Variants in PMS2 observed in about 807,000 individuals in gnomAD.
PMS2 encodes mismatch repair endonuclease PMS2.
In PMS2, 69 loss-of-function variants were observed where a neutral mutation model predicts 90.0. That is an observed-to-expected ratio of 0.77 (90% CI 0.63 to 0.94). PMS2 has a LOEUF of 0.94. PMS2 is among the 40% of genes least tolerant of loss of function. The pLI is 0.00. For synonymous variants in PMS2, 332 were observed against 375.1 expected, an observed-to-expected ratio of 0.89 and a Z score of 1.33; for missense variants, 966 against 1,040.2, an observed-to-expected ratio of 0.93 and a Z score of 0.98.
At position 6,002,595 on chromosome 7, in the gene PMS2, C is replaced by T. The variant is rs1583403941; in HGVS notation, c.395G>A (p.Gly132Glu). The part of the protein sequence containing the change: ...ISTCHASAKV[G>E]TRLMFDHNGK... ...ATTGTGATCAAACATCAGTCGAGTT[C>T]CAACCTTCGCCGATGCGTGGCAGGT... is the stretch of plus-strand genomic sequence containing the variant. The change falls in exon 5 of 15, where the codon GGA (glycine) becomes GAA (glutamate). Residue 132 changes from glycine (G) to glutamate (E), a missense_variant. Coordinates refer to ENST00000265849, the MANE Select transcript of PMS2 (RefSeq NM_000535.7). 6.2e-7 allele frequency: 1 copy of T among 1,611,942 alleles called. No individual in the cohort carries two copies. The highest frequency in any genetic ancestry group is 2.2e-5 in the East Asian group (1 of 44,878).
intron 11 of PMS2, among the ~76,000 whole-genome samples, chr7:5,983,737 C>T (rs1457745361): frequency 3.3e-5 from 5 of 151,362 alleles, no homozygotes; most frequent in African/African-American, 7.3e-5. Context: ...CTGCAACCTG[C>T]GCCTCCCAGG....
intron 8 of PMS2, among the ~76,000 whole-genome samples, chr7:5,994,375 C>T (rs1784129496): frequency 6.6e-6 from 1 of 150,538 alleles, no homozygotes; most frequent in East Asian, 2.0e-4. Flanking sequence ...GGCGAGACTC[C>T]ATCTCAAAAA....
intron 1 of PMS2, 118 bp from the exon 2 acceptor site, chr7:6,006,149 T>A: frequency 8.8e-7 from 1 of 1,134,334 alleles, no homozygotes; most frequent in Non-Finnish European, 1.3e-6. Context: ...TCTATTCATT[T>A]ATTATATTAG....
intron 10 of PMS2, among the ~76,000 whole-genome samples, chr7:5,989,015 C>T (rs1476132430): frequency 1.3e-5 from 2 of 152,030 alleles, no homozygotes; most frequent in Non-Finnish European, 2.9e-5. Flanking sequence ...GCCACCACGC[C>T]CGGCTAATTT....
intron 5 of PMS2, among the ~76,000 whole-genome samples, chr7:6,000,229 C>T (rs567677878): frequency 9.9e-4 from 151 of 151,918 alleles, no homozygotes; most frequent in African/African-American, 3.2e-3. Flanking sequence ...CAAAAATTAG[C>T]CGGGCATGGT....
chr7:5,985,133 T>G (rs1220191318), intron 11 of PMS2, among the ~76,000 whole-genome samples: 4 of 151,866 alleles, frequency 2.6e-5, no homozygotes, highest in Non-Finnish European at 5.9e-5. Context: ...GGTCTTGCTC[T>G]GTCACCCAGG....
intron 7 of PMS2, among the ~76,000 whole-genome samples, chr7:5,995,896 C>G (rs1784344532): frequency 6.6e-6 from 1 of 152,172 alleles, no homozygotes; most frequent in African/African-American, 2.4e-5. Flanking sequence ...TGTGTTGCAG[C>G]TCTCCTTACC....
At chr7:6,002,718 T>C in intron 4 of PMS2, 82 bp from the exon 5 acceptor site, 1 of 1,120,114 alleles carries the variant, frequency 8.9e-7, no homozygotes, top group Non-Finnish European at 1.4e-6. Context: ...TCACTTGCTT[T>C]TCTCTCAAAA....
At chr7:6,006,507 G>C (rs1476495506) in intron 1 of PMS2, among the ~76,000 whole-genome samples, 1 of 152,042 alleles carries the variant, frequency 6.6e-6, no homozygotes, top group Non-Finnish European at 1.5e-5. Context: ...CAAAAAATTA[G>C]CCAGGCATGG....
intron 7 of PMS2, among the ~76,000 whole-genome samples, chr7:5,995,924 A>G (rs561531960): frequency 5.1e-4 from 77 of 152,254 alleles, no homozygotes; most frequent in African/African-American, 1.7e-3. Context: ...ATAAATCCTC[A>G]GCCTCTGTAA....
intron 6 of PMS2, among the ~76,000 whole-genome samples, 190 bp from the exon 7 acceptor site, chr7:5,997,613 T>C (rs1428565053): frequency 6.6e-6 from 1 of 152,122 alleles, no homozygotes; most frequent in South Asian, 2.1e-4. Context: ...GGCTCAATCA[T>C]ACCTCACTGC....
Position 5,977,803 on chromosome 7 carries a change from G to A in PMS2, c.2276-46C>T, listed in dbSNP as rs545484686. The A allele has an allele frequency of 4.6e-5, 73 of 1,573,088 alleles. No individual in the cohort carries two copies. Among genetic ancestry groups the A allele is most frequent in the Middle Eastern group, 1.7e-4 (1 of 5,944 alleles). ...GAAAAATCCATGACTTGACAAACAC[G>A]TTTCACTTGAAAGCTACTTAGGATG... is the stretch of plus-strand genomic sequence containing the variant. On this transcript the variant is annotated intron_variant, in intron 13 of 14. Coordinates refer to ENST00000265849, the MANE Select transcript of PMS2 (RefSeq NM_000535.7).
chr7:5,987,881 C>G (rs999670992), intron 10 of PMS2, among the ~76,000 whole-genome samples: 1 of 151,770 alleles, frequency 6.6e-6, no homozygotes, highest in African/African-American at 2.4e-5. Flanking sequence ...ATGGTAAAAC[C>G]CTGTTTCTAC....
chr7:6,004,041 A>T lies in PMS2; in HGVS notation c.181T>A (p.Tyr61Asn), dbSNP rs1785427530. ...ATNIDLKLKD[Y>N]GVDLIEVSDN... ...GAAACTTCAATAAGATCCACTCCAT[A>T]GTCCTTAAGCTTTAGATCTAGAAAG... Residue 61 changes from tyrosine to asparagine, a missense_variant, in exon 3 of 15, where the codon TAT becomes AAT. Transcript: ENST00000265849. 6.3e-7 allele frequency: 1 copy of T among 1,589,844 alleles called. No individual in the cohort carries two copies. Among genetic ancestry groups the T allele is most frequent in the Non-Finnish European group, 8.6e-7 (1 of 1,159,844 alleles).
chr7:5,999,061 T>C (rs756832253), intron 6 of PMS2, 47 bp downstream of exon 6: 6 of 1,558,026 alleles, frequency 3.9e-6, no homozygotes, highest in Non-Finnish European at 5.3e-6. Flanking sequence ...AAACCCGCTA[T>C]AATCACTAGA....
At chr7:5,992,303 G>A (rs959354735) in intron 8 of PMS2, among the ~76,000 whole-genome samples, 12 of 151,014 alleles carry the variant, frequency 7.9e-5, no homozygotes, top group Non-Finnish European at 1.5e-4. Context: ...ATGTAACTTG[G>A]ATTACAGGCA....
intron 7 of PMS2, among the ~76,000 whole-genome samples, chr7:5,996,837 G>T (rs1338168563): frequency 1.3e-5 from 2 of 151,934 alleles, no homozygotes; most frequent in Non-Finnish European, 2.9e-5. Flanking sequence ...TCAAAACATG[G>T]TTTGAATTAA....
chr7:6,002,768 A>G, intron 4 of PMS2, 132 bp from the exon 5 acceptor site: 3 of 786,032 alleles, frequency 3.8e-6, no homozygotes, highest in Non-Finnish European at 6.9e-6. Flanking sequence ...GATAATCAAG[A>G]TCTAAATGGT....
At chr7:6,009,050 G>A (rs1786272999), upstream of PMS2, 3 of 1,611,556 alleles carry the variant, frequency 1.9e-6, no homozygotes, top group Non-Finnish European at 2.5e-6. Flanking sequence ...CTCGGGGACT[G>A]GGAAAGTTCC....
Sources: gnomAD v4.1 joint callset for allele counts (sites outside exome capture counted in the v4.1 genomes callset) on GRCh38, gnomAD v4.1.1 for gene constraint, MANE v1.5 for transcripts, NCBI Gene and HGNC (gene_info 2026-07-23, HGNC 2026-07-21) for gene names.